The following PSMA5 variants were observed in gnomAD, a reference collection of about 807,000 sequenced individuals.
PSMA5 encodes proteasome 20S subunit alpha 5.
A neutral mutation model predicts 34.5 loss-of-function variants in PSMA5; 3 were observed. The ratio of observed to expected loss-of-function variants is 0.09; its 90% confidence interval spans 0.04 to 0.22. The LOEUF (loss-of-function observed/expected upper bound fraction) is 0.22. PSMA5 is among the 10% of genes least tolerant of loss of function. PSMA5 has a pLI of 1.00. For synonymous variants in PSMA5, 88 were observed against 95.8 expected (o/e 0.92, Z 0.47); for missense variants, 120 against 286.1 (o/e 0.42, Z 4.19).
At chr1:109,419,088 G>A (rs1404880874) in intron 2 of PSMA5, among the ~76,000 whole-genome samples, 1 of 152,080 alleles carries the variant, frequency 6.6e-6, no homozygotes, top group Non-Finnish European at 1.5e-5. Context: ...GGGAGGCGGA[G>A]GTTGCAGTGA....
intron 2 of PSMA5, 120 bp from the exon 3 acceptor site, chr1:109,415,483 CAG>C (rs1654153856): frequency 9.6e-7 from 1 of 1,045,876 alleles, no homozygotes; most frequent in African/African-American, 1.6e-5. Context: ...ATCTTATAGG[CAG>C]AGAGAAGGAG....
chr1:109,403,119 C>T (rs1005502413), intron 8 of PSMA5, among the ~76,000 whole-genome samples: 2 of 152,148 alleles, frequency 1.3e-5, no homozygotes, highest in African/African-American at 4.8e-5. Flanking sequence ...ATTATATTTA[C>T]ATTTAAAAGC....
chr1:109,413,962 A>G (rs1654100187), intron 3 of PSMA5, among the ~76,000 whole-genome samples: 1 of 152,152 alleles, frequency 6.6e-6, no homozygotes, highest in South Asian at 2.1e-4. Flanking sequence ...TCTATCTTTA[A>G]TATCATTATC....
At chr1:109,414,641 T>A (rs1172024569) in intron 3 of PSMA5, among the ~76,000 whole-genome samples, 2 of 152,222 alleles carry the variant, frequency 1.3e-5, no homozygotes, top group Non-Finnish European at 1.5e-5. Flanking sequence ...AGTTTCTATA[T>A]CTATGAAAGA....
At position 109,415,444 on chromosome 1, in the gene PSMA5, T is replaced by G. The variant is rs188668509; in HGVS notation, c.97-81A>C. ...CTCACCAGATAGCTCTCTGTAAATC[T>G]TCACATGATAGAAACTTCAACTGGC... is the stretch of plus-strand genomic sequence containing the variant. On this transcript the variant is annotated intron_variant, in intron 2 of 8. Coordinates refer to ENST00000271308, the MANE Select transcript of PSMA5 (RefSeq NM_002790.4). 2.9e-4 allele frequency: 407 copies of G among 1,425,458 alleles called. 1 individual carries two copies. In the African/African-American group the frequency reaches 4.5e-3, roughly 16 times the overall value. 88.3% of individuals were successfully genotyped at this position (1,425,458 alleles called of 1,614,324 possible). A position where few individuals can be genotyped will look rare whatever the true frequency, so the allele number is the denominator to read the frequency against.
intron 4 of PSMA5, 200 bp downstream of exon 4, chr1:109,412,868 A>G (rs949969509): frequency 1.9e-6 from 1 of 539,294 alleles, no homozygotes; most frequent in Non-Finnish European, 3.3e-6. Context: ...ACTACTGACC[A>G]GAGCCTCTTT....
At position 109,409,976 on chromosome 1, in the gene PSMA5, G is replaced by C; in HGVS notation, c.600C>G (p.Ile200Met). The change falls in exon 8 of 9, where the codon ATC (isoleucine) becomes ATG (methionine). Residue 200 changes from isoleucine to methionine, a missense_variant. Coordinates refer to ENST00000271308, the MANE Select transcript of PSMA5 (RefSeq NM_002790.4). The stretch of plus-strand genomic sequence containing the variant: ...TCTCCTCCATTACTTGTTTGAGGAT[G>C]ATGAGTGAAGACTTGATGGCTTCTT... ...TLKEAIKSSL[I>M]ILKQVMEEKL... 3 of 1,609,354 alleles carry C rather than the reference G, an allele frequency of 1.9e-6. No individual in the cohort carries two copies. Among genetic ancestry groups the C allele is most frequent in the Non-Finnish European group, 2.6e-6 (3 of 1,176,442 alleles).
intron 8 of PSMA5, among the ~76,000 whole-genome samples, chr1:109,407,999 T>C (rs111397658): frequency 5.6e-4 from 85 of 152,262 alleles, no homozygotes; most frequent in Middle Eastern, 6.8e-3. Context: ...TTTCCAAATA[T>C]TTCCCATTCT....
chr1:109,411,176 G>A (rs892253442), intron 6 of PSMA5, 63 bp from the exon 7 acceptor site: 35 of 1,164,138 alleles, frequency 3.0e-5, no homozygotes, highest in Admixed American at 3.9e-5. Context: ...TGTAACAAAC[G>A]TCTCACTAAA....
chr1:109,421,392 G>A (rs1265330082), intron 2 of PSMA5, among the ~76,000 whole-genome samples: 1 of 151,646 alleles, frequency 6.6e-6, no homozygotes, highest in Non-Finnish European at 1.5e-5. Flanking sequence ...GAACCCGAGG[G>A]GCGGAGGTTG....
rs1050444453 is a variant in PSMA5, at chr1:109,412,365, A to C, written c.292-181T>G. 5.3e-6 allele frequency: 3 copies of C among 566,418 alleles called. No individual in the cohort carries two copies. In the African/African-American group the frequency reaches 5.6e-5, roughly 11 times the overall value. The allele number at this position is 566,418 out of a possible 1,614,324, so 35.1% of individuals were successfully genotyped here. The stretch of plus-strand genomic sequence containing the variant: ...GAGAGGAAGAGAAATAGCTCTGGAA[A>C]TAAACATATCACAAGGACTCTACGC... On this transcript the variant is annotated intron_variant, in intron 4 of 8. Transcript: ENST00000271308.
chr1:109,426,118 G>A (rs752062790), intron 1 of PSMA5, 184 bp downstream of exon 1: 73 of 727,514 alleles, frequency 1.0e-4, no homozygotes, highest in Non-Finnish European at 1.5e-4. Context: ...GGTAGGACAA[G>A]TGCCGCCGAT....
chr1:109,411,178 C>T (rs1431274449), intron 6 of PSMA5, 65 bp from the exon 7 acceptor site: 2 of 1,110,620 alleles, frequency 1.8e-6, no homozygotes, highest in Non-Finnish European at 2.7e-6. Context: ...TAACAAACGT[C>T]TCACTAAAAC....
At chr1:109,410,393 G>C (rs1653942884) in intron 7 of PSMA5, among the ~76,000 whole-genome samples, 1 of 152,172 alleles carries the variant, frequency 6.6e-6, no homozygotes, top group South Asian at 2.1e-4. Context: ...CAATGGTTTA[G>C]AAAATTCAAA....
intron 8 of PSMA5, among the ~76,000 whole-genome samples, chr1:109,407,960 T>C (rs1653846609): frequency 6.6e-6 from 1 of 152,114 alleles, no homozygotes; most frequent in African/African-American, 2.4e-5. Flanking sequence ...AGCAATCCTT[T>C]TACTCTTCCC....
At chr1:109,410,127 C>G (rs1433270070) in intron 7 of PSMA5, 113 bp from the exon 8 acceptor site, 5 of 706,114 alleles carry the variant, frequency 7.1e-6, no homozygotes, top group Admixed American at 2.3e-5. Context: ...TGTCAAACAT[C>G]TTACTTAGTA....
chr1:109,418,574 C>A (rs1165032523), intron 2 of PSMA5, among the ~76,000 whole-genome samples: 1 of 152,162 alleles, frequency 6.6e-6, no homozygotes, highest in Non-Finnish European at 1.5e-5. Context: ...GCCTCAGCGT[C>A]CCAAAGTGCT....
At chr1:109,407,389 G>C (rs1020482139) in intron 8 of PSMA5, among the ~76,000 whole-genome samples, 6 of 152,192 alleles carry the variant, frequency 3.9e-5, no homozygotes, top group Non-Finnish European at 7.3e-5. Flanking sequence ...CTCTAGCGCA[G>C]TGGCTCCCAA....
rs770643578 is a variant in PSMA5 at position 109,399,991 on chromosome 1, T to C, written c.*2022A>G. The C allele has an allele frequency of 5.9e-5, 9 of 152,204 alleles. No individual in the cohort carries two copies. The highest frequency in any genetic ancestry group is 1.0e-4 in the Non-Finnish European group (7 of 68,034). 9.4% of individuals were successfully genotyped at this position (152,204 alleles called of 1,614,324 possible). On this transcript the variant is annotated 3_prime_UTR_variant, in exon 9 of 9. Transcript: ENST00000271308. ...AAAGCAATTACACATCATGAAACCATTGCTGTTCGTAGTAAGATCACTTCT... is the reference window on the plus strand; with the variant it reads ...AAAGCAATTACACATCATGAAACCACTGCTGTTCGTAGTAAGATCACTTCT...
Sources: gnomAD v4.1 joint callset for allele counts (sites outside exome capture counted in the v4.1 genomes callset) on GRCh38, gnomAD v4.1.1 for gene constraint, MANE v1.5 for transcripts, NCBI Gene and HGNC (gene_info 2026-07-23, HGNC 2026-07-21) for gene names.